Variants in ZNG1E observed in about 807,000 individuals in gnomAD.
ZNG1E encodes Zn regulated GTPase metalloprotein activator 1E.
chr9:65,668,346 C>T, the ZNG1E span, among the ~76,000 whole-genome samples: 5 of 131,972 alleles, frequency 3.8e-5, no homozygotes, highest in East Asian at 1.1e-3. Context: ...AAATTGCTCA[C>T]AGTGTTTATG....
At chr9:65,654,661 A>C in the ZNG1E span, among the ~76,000 whole-genome samples, 2 of 131,524 alleles carry the variant, frequency 1.5e-5, no homozygotes, top group Admixed American at 1.6e-4. Context: ...TAATGACACC[A>C]AGCAACTCAT....
chr9:65,669,358 G>C, the ZNG1E span, among the ~76,000 whole-genome samples: 130 of 146,788 alleles, frequency 8.9e-4, no homozygotes, highest in African/African-American at 3.1e-3. Context: ...ATGGATTTTG[G>C]AATATGCTTC....
chr9:65,663,171 A>G, the ZNG1E span, among the ~76,000 whole-genome samples: 4 of 152,278 alleles, frequency 2.6e-5, no homozygotes, highest in Non-Finnish European at 2.9e-5. Flanking sequence ...CTGAGGAAGA[A>G]CAAGTAGCTC....
the ZNG1E span, among the ~76,000 whole-genome samples, chr9:65,728,088 C>CT: frequency 1.3e-5 from 2 of 151,090 alleles, no homozygotes; most frequent in African/African-American, 4.8e-5. Flanking sequence ...TGGAAATCAA[C>CT]TCCAAAAGGA....
At chr9:65,660,632 G>A in the ZNG1E span, among the ~76,000 whole-genome samples, 30 of 151,936 alleles carry the variant, frequency 2.0e-4, no homozygotes, top group Non-Finnish European at 3.2e-4. Flanking sequence ...TGTCCAGAAA[G>A]GCTAGAGAAG....
chr9:65,714,570 T>C, the ZNG1E span, among the ~76,000 whole-genome samples: 29 of 152,100 alleles, frequency 1.9e-4, no homozygotes, highest in East Asian at 5.4e-3. Context: ...TTGGTGTGGA[T>C]GTCCTTTCTG....
chr9:65,679,679 C>T, the ZNG1E span: 26 of 252,002 alleles, frequency 1.0e-4, no homozygotes, highest in South Asian at 5.3e-4. Context: ...CTCAGCCTCT[C>T]GAGTAGCTGG....
the ZNG1E span, among the ~76,000 whole-genome samples, chr9:65,660,439 T>C: frequency 2.0e-5 from 3 of 152,080 alleles, no homozygotes; most frequent in African/African-American, 7.2e-5. Context: ...ATAAAGCTCA[T>C]CTGTGGATAT....
At chr9:65,685,240 G>C in the ZNG1E span, among the ~76,000 whole-genome samples, 6 of 152,394 alleles carry the variant, frequency 3.9e-5, no homozygotes, top group Admixed American at 3.9e-4. Flanking sequence ...GTTGATGGGT[G>C]CTGACCAATC....
the ZNG1E span, among the ~76,000 whole-genome samples, chr9:65,681,383 A>G: frequency 1.3e-5 from 2 of 152,266 alleles, no homozygotes; most frequent in Admixed American, 6.5e-5. Context: ...GGCTTAAGTC[A>G]TCTTAAATAA....
At chr9:65,678,611 T>G in the ZNG1E span, among the ~76,000 whole-genome samples, 4 of 145,374 alleles carry the variant, frequency 2.8e-5, no homozygotes, top group Non-Finnish European at 5.9e-5. Flanking sequence ...GGATTTTCTT[T>G]TTTTCCTCTA....
At chr9:65,673,604 C>T in the ZNG1E span, among the ~76,000 whole-genome samples, 1 of 152,222 alleles carries the variant, frequency 6.6e-6, no homozygotes, top group Admixed American at 6.5e-5. Flanking sequence ...GACTTTAGAC[C>T]AGACTGGACA....
the ZNG1E span, chr9:65,691,062 T>G: frequency 1.8e-5 from 22 of 1,249,688 alleles, no homozygotes; most frequent in East Asian, 2.6e-5. Flanking sequence ...ATCTTTCTTG[T>G]TTTTTTTTTG....
the ZNG1E span, among the ~76,000 whole-genome samples, chr9:65,686,807 A>T: frequency 6.6e-6 from 1 of 152,198 alleles, no homozygotes; most frequent in African/African-American, 2.4e-5. Context: ...AATCTTGTGA[A>T]CCAACCTCTG....
chr9:65,676,980 A>G, the ZNG1E span: 1 of 571,622 alleles, frequency 1.7e-6, no homozygotes, highest in African/African-American at 2.3e-5. Flanking sequence ...AGAGACAGGT[A>G]CAGACTTGGG....
At chr9:65,660,541 G>A in the ZNG1E span, among the ~76,000 whole-genome samples, 1 of 152,240 alleles carries the variant, frequency 6.6e-6, no homozygotes, top group Admixed American at 6.5e-5. Flanking sequence ...AGTGTATTCG[G>A]TATTTATGTG....
chr9:65,681,922 G>C, the ZNG1E span: 1 of 571,990 alleles, frequency 1.7e-6, no homozygotes, highest in African/African-American at 1.9e-5. Flanking sequence ...TTAATCTCTA[G>C]TGCATGAAAG....
the ZNG1E span, among the ~76,000 whole-genome samples, chr9:65,681,197 A>C: frequency 6.6e-6 from 1 of 152,200 alleles, no homozygotes; most frequent in East Asian, 1.9e-4. Context: ...TAGATAAGGC[A>C]GTCTCTTAAG....
chr9:65,664,166 C>T, the ZNG1E span, among the ~76,000 whole-genome samples: 1 of 151,948 alleles, frequency 6.6e-6, no homozygotes, highest in Admixed American at 6.6e-5. Flanking sequence ...ATATGTAATA[C>T]TCTATCTTTC....
Sources: allele counts gnomAD v4.1 joint callset (sites outside exome capture counted in the v4.1 genomes callset), GRCh38; gene constraint gnomAD v4.1.1; transcripts MANE v1.5; gene names NCBI Gene and HGNC (gene_info 2026-07-23, HGNC 2026-07-21).